Variants in C2orf81 observed in about 807,000 individuals in gnomAD.
The protein encoded by C2orf81 is uncharacterized protein C2orf81.
Under a neutral mutation model 7.9 loss-of-function variants are expected in C2orf81, and 5 were observed. The ratio of observed to expected loss-of-function variants is 0.63; its 90% confidence interval spans 0.33 to 1.33. The LOEUF (loss-of-function observed/expected upper bound fraction) is 1.33, where lower values mean the gene tolerates loss of function less well. C2orf81 is among the 40% of genes most tolerant of loss of function. The pLI, the probability that C2orf81 is intolerant of heterozygous loss-of-function variation, is 0.05. For missense variants in C2orf81, 781 were observed against 830.4 expected, an observed-to-expected ratio of 0.94 and a Z score of 0.73; for synonymous variants, 346 against 367.4, an observed-to-expected ratio of 0.94 and a Z score of 0.66.
In C2orf81 at chr2:74,415,310, C is replaced by A. The variant is rs1457609287; in HGVS notation, c.867G>T (p.Gly289=). The change falls in exon 3 of 3, where the codon GGG becomes GGT. Residue 289 remains glycine (G), a synonymous_variant. Coordinates refer to ENST00000684111, the MANE Select transcript of C2orf81 (RefSeq NM_001316764.3). This position sits in a 1 kb window ranked among gnomAD's most constrained non-coding sequence, Gnocchi z 5.5. ...YLVASPQAST[G]RGHPLGFHLS... Reference sequence around the variant, plus strand: ...AATGGAAGCCGAGGGGGTGTCCCCTCCCAGTTGAGGCCTGGGGGCTGGCTA... The same window carrying A: ...AATGGAAGCCGAGGGGGTGTCCCCTACCAGTTGAGGCCTGGGGGCTGGCTA... The A allele has an allele frequency of 6.5e-7, 1 of 1,549,694 alleles. No individual in the cohort carries two copies. The highest frequency in any genetic ancestry group is 2.0e-5 in the Admixed American group (1 of 50,832).
intron 1 of C2orf81, chr2:74,417,398 T>C: frequency 7.6e-7 from 1 of 1,309,164 alleles, no homozygotes; most frequent in Non-Finnish European, 1.0e-6. Context: ...AATAGGTGAC[T>C]GCATCTCCAT....
chr2:74,414,373 C>A lies in C2orf81; in HGVS notation c.1804G>T (p.Val602Phe). 2 of 1,517,476 alleles carry A rather than the reference C, an allele frequency of 1.3e-6. No individual in the cohort carries two copies. The highest frequency in any genetic ancestry group is 1.3e-5 in the South Asian group (1 of 79,194). The allele number at this position is 1,517,476 out of a possible 1,614,324, so 94.0% of individuals were successfully genotyped here. The part of the protein sequence containing the change: ...EDKEGSTFPP[V>F]EQHPIQTGAP... ...CCTGTCTGGATGGGATGTTGCTCAA[C>A]GGGAGGAAAGGTGCTACCTTCTTTG... The change falls in exon 3 of 3, where the codon GTT (valine) becomes TTT (phenylalanine). Residue 602 changes from valine (V) to phenylalanine (F), a missense_variant. Physicochemically the swap from Val to Phe is conservative, Grantham distance 50 (BLOSUM62 -1). Transcript: ENST00000684111. This position sits in a 1 kb window ranked among gnomAD's most constrained non-coding sequence, Gnocchi z 5.3.
intron 1 of C2orf81, chr2:74,417,729 T>C: frequency 1.8e-6 from 1 of 558,406 alleles, no homozygotes. Context: ...CAGGCCCCTC[T>C]ATGGGAAGCC....
intron 1 of C2orf81, chr2:74,418,220 T>G: frequency 6.4e-7 from 1 of 1,564,764 alleles, no homozygotes; most frequent in Non-Finnish European, 8.7e-7. Flanking sequence ...GTTGTGGTGG[T>G]TTTCCCGGTC....
rs566761495 is a variant in C2orf81, at chr2:74,417,626, C to T, written c.19-1385G>A. The T allele has an allele frequency of 3.2e-6, 3 of 940,710 alleles. No individual in the cohort carries two copies. In the Admixed American group the frequency reaches 9.8e-5, roughly 31 times the overall value. 58.3% of individuals were successfully genotyped at this position (940,710 alleles called of 1,614,324 possible). ...GGGGAATCCTGGGGGCCAGCACCCC[C>T]CTCCATTGGCCACACCTGCTGCTGC... is the stretch of plus-strand genomic sequence containing the variant. On this transcript the variant is annotated intron_variant, in intron 1 of 2. Coordinates refer to ENST00000684111, the MANE Select transcript of C2orf81 (RefSeq NM_001316764.3).
rs1558528415 is a variant in C2orf81 at position 74,416,100 on chromosome 2, C to G, written c.160G>C (p.Glu54Gln). The change falls in exon 2 of 3, where the codon GAG becomes CAG. Residue 54 changes from glutamate (E) to glutamine (Q), a missense_variant. By Grantham distance (29) the Glu-to-Gln change is conservative (BLOSUM62 2). Coordinates refer to ENST00000684111, the MANE Select transcript of C2orf81 (RefSeq NM_001316764.3). ...TCCCCTACGACGTCCTCGCCCTCCT[C>G]GAGGGCTGTAAGCGCCATCCACTCG... ...EAEWMALTAL[E>Q]EGEDVVGDIL... 6.5e-7 allele frequency: 1 copy of G among 1,542,242 alleles called. No homozygotes were observed. The highest frequency in any genetic ancestry group is 8.8e-7 in the Non-Finnish European group (1 of 1,141,784).
intron 1 of C2orf81, chr2:74,417,659 G>A: frequency 1.4e-6 from 1 of 727,776 alleles, no homozygotes. Flanking sequence ...TGCCAGGACA[G>A]TGGAGTGGGG....
rs1003403291 is a variant in C2orf81, at chr2:74,414,842, G to C, written c.1335C>G (p.Asp445Glu). 34 of 1,551,256 alleles carry C rather than the reference G, an allele frequency of 2.2e-5. No homozygotes were observed. The highest frequency in any genetic ancestry group is 2.7e-5 in the African/African-American group (2 of 73,050). Residue 445 changes from aspartate (D) to glutamate (E), a missense_variant, in exon 3 of 3, where the codon GAC (aspartate) becomes GAG (glutamate). By Grantham distance (45) the Asp-to-Glu change is conservative. Coordinates refer to ENST00000684111, the MANE Select transcript of C2orf81 (RefSeq NM_001316764.3). The surrounding 1 kb of genome is among the most constrained non-coding windows in gnomAD (Gnocchi z 5.3). ...ACAGGAGTGCGGGGCCCGAGTCCAA[G>C]TCACGGAAAGGAATGCCTGGCCGGA... ...FPLRPGIPFR[D>E]LDSGPALLFP...
chr2:74,415,608 C>T lies in C2orf81; in HGVS notation c.569G>A (p.Gly190Asp), dbSNP rs1490553806. 9 of 1,550,900 alleles carry T rather than the reference C, an allele frequency of 5.8e-6. No individual in the cohort carries two copies. The highest frequency in any genetic ancestry group is 1.4e-5 in the African/African-American group (1 of 73,048). ...CPSAFPQDPG[G>D]VDRIPLGRSW... ...CCTTCCTAAAGGGATCCGGTCCACG[C>T]CCCCAGGGTCCTGGGGAAATGCACT... Residue 190 changes from glycine (G) to aspartate (D), a missense_variant, in exon 3 of 3, where the codon GGC becomes GAC. By Grantham distance (94) the Gly-to-Asp change is moderately conservative (BLOSUM62 -1). Coordinates refer to ENST00000684111, the MANE Select transcript of C2orf81 (RefSeq NM_001316764.3). This position sits in a 1 kb window ranked among gnomAD's most constrained non-coding sequence, Gnocchi z 5.5.
chr2:74,414,353 C>A lies in C2orf81; in HGVS notation c.1824G>T (p.Gln608His), dbSNP rs1347144672. ...GTCACCTGGGCTTTGGGGCACCTGT[C>A]TGGATGGGATGTTGCTCAACGGGAG... Reference protein sequence around the residue: ...TFPPVEQHPIQTGAPKPR With the variant: ...TFPPVEQHPIHTGAPKPR The change falls in exon 3 of 3, where the codon CAG (glutamine) becomes CAT (histidine). Residue 608 changes from glutamine (Q) to histidine (H), a missense_variant. By Grantham distance (24) the Gln-to-His change is conservative (BLOSUM62 0). Coordinates refer to ENST00000684111, the MANE Select transcript of C2orf81 (RefSeq NM_001316764.3). This position sits in a 1 kb window ranked among gnomAD's most constrained non-coding sequence, Gnocchi z 5.3. The A allele has an allele frequency of 1.3e-6, 2 of 1,497,458 alleles. No individual in the cohort carries two copies. The highest frequency in any genetic ancestry group is 1.8e-6 in the Non-Finnish European group (2 of 1,116,462). 92.8% of individuals were successfully genotyped at this position (1,497,458 alleles called of 1,614,324 possible).
At chr2:74,416,565 C>CAAAAAAAAAAAAAAA (rs59349435) in intron 1 of C2orf81, 13 of 52,184 alleles carry the variant, frequency 2.5e-4, no homozygotes, top group African/African-American at 4.2e-4. Context: ...GACTGCGTCT[C>CAAAAAAAAAAAAAAA]AAAAAAAAAA....
chr2:74,415,389 G>A lies in C2orf81; in HGVS notation c.788C>T (p.Ser263Leu), dbSNP rs1299882183. 2 of 1,521,626 alleles carry A rather than the reference G, an allele frequency of 1.3e-6. No individual in the cohort carries two copies. The highest frequency in any genetic ancestry group is 1.8e-6 in the Non-Finnish European group (2 of 1,128,688). The allele number at this position is 1,521,626 out of a possible 1,614,324, so 94.3% of individuals were successfully genotyped here. The change falls in exon 3 of 3, where the codon TCG becomes TTG. Residue 263 changes from serine to leucine, a missense_variant. Physicochemically the swap from Ser to Leu is moderately radical, Grantham distance 145. Coordinates refer to ENST00000684111, the MANE Select transcript of C2orf81 (RefSeq NM_001316764.3). The surrounding 1 kb of genome is among the most constrained non-coding windows in gnomAD (Gnocchi z 5.5). ...AGSLSASFQL[S>L]VEEAPADDAD... ...ATCGTCGGCAGGCGCCTCCTCCACC[G>A]ACAGTTGGAAGCTCGCGCTCAAGGA...
At chr2:74,418,386 G>T (rs576196787) in intron 1 of C2orf81, 43 of 1,591,744 alleles carry the variant, frequency 2.7e-5, no homozygotes, top group Middle Eastern at 3.7e-4. Context: ...TCTCAGTGCC[G>T]TCCTTTTTCT....
Position 74,414,337 on chromosome 2 carries a change from G to A in C2orf81, c.1840C>T (p.Pro614Ser). 6.7e-7 allele frequency: 1 copy of A among 1,483,792 alleles called. No homozygotes were observed. The highest frequency in any genetic ancestry group is 9.0e-7 in the Non-Finnish European group (1 of 1,109,900). The allele number at this position is 1,483,792 out of a possible 1,614,324, so 91.9% of individuals were successfully genotyped here. A position where few individuals can be genotyped will look rare whatever the true frequency, so the allele number is the denominator to read the frequency against. The change falls in exon 3 of 3, where the codon CCC becomes TCC. Residue 614 changes from proline to serine, a missense_variant. Physicochemically the swap from Pro to Ser is moderately conservative, Grantham distance 74. Transcript: ENST00000684111. The surrounding 1 kb of genome is among the most constrained non-coding windows in gnomAD (Gnocchi z 5.3). ...QHPIQTGAPKPR is the reference protein window; with the variant it reads ...QHPIQTGAPKSR ...CATTAGCTGTGCTACGGTCACCTGG[G>A]CTTTGGGGCACCTGTCTGGATGGGA...
intron 1 of C2orf81, chr2:74,418,416 G>C: frequency 1.3e-6 from 2 of 1,577,710 alleles, no homozygotes; most frequent in Non-Finnish European, 1.7e-6. Flanking sequence ...CCAAGGGCTG[G>C]CTGGACTTCG....
At chr2:74,417,356 G>A (rs1676494575) in intron 1 of C2orf81, 4 of 1,307,144 alleles carry the variant, frequency 3.1e-6, no homozygotes, top group African/African-American at 1.5e-5. Context: ...ACCTCAGGTA[G>A]CTGCCACAGG....
At position 74,415,099 on chromosome 2, in the gene C2orf81, G is replaced by A; in HGVS notation, c.1078C>T (p.Leu360=). 1 of 1,546,980 alleles carries A rather than the reference G, an allele frequency of 6.5e-7. No individual in the cohort carries two copies. Among genetic ancestry groups the A allele is most frequent in the Non-Finnish European group, 8.7e-7 (1 of 1,144,920 alleles). The change falls in exon 3 of 3, where the codon CTG becomes TTG. Residue 360 remains leucine (L), a synonymous_variant. Transcript: ENST00000684111. This position sits in a 1 kb window ranked among gnomAD's most constrained non-coding sequence, Gnocchi z 5.5. ...CGCATCCTGTGGTGGTGGGCGCTCA[G>A]CCGCACATCCGAGTGCCCGGCCCGC... The part of the protein sequence containing the change: ...QQRAGHSDVR[L]SAHHHRMRRK...
rs1430418632 is a variant in C2orf81, at chr2:74,415,425, G to A, written c.752C>T (p.Ser251Phe). 1 of 1,532,936 alleles carries A rather than the reference G, an allele frequency of 6.5e-7. No homozygotes were observed. The highest frequency in any genetic ancestry group is 1.2e-5 in the South Asian group (1 of 82,848). The allele number at this position is 1,532,936 out of a possible 1,614,324, so 95.0% of individuals were successfully genotyped here. A position where few individuals can be genotyped will look rare whatever the true frequency, so the allele number is the denominator to read the frequency against. ...GCTCGCGCTCAAGGACCCGGCCGAG[G>A]AGAGGCCTCTAGACTGGCCGTCCGC... ...EEADGQSRGL[S>F]SAGSLSASFQ... The change falls in exon 3 of 3, where the codon TCC (serine) becomes TTC (phenylalanine). Residue 251 changes from serine (S) to phenylalanine (F), a missense_variant. Physicochemically the swap from Ser to Phe is radical, Grantham distance 155 (BLOSUM62 -2). Coordinates refer to ENST00000684111, the MANE Select transcript of C2orf81 (RefSeq NM_001316764.3). The surrounding 1 kb of genome is among the most constrained non-coding windows in gnomAD (Gnocchi z 5.5).
intron 1 of C2orf81, chr2:74,416,655 C>A (rs1676479170): frequency 6.2e-6 from 1 of 161,322 alleles, no homozygotes; most frequent in African/African-American, 2.4e-5. Flanking sequence ...TGCTTAGGAG[C>A]ACACAGTGAG....
Sources: allele counts gnomAD v4.1 joint callset, GRCh38; gene constraint gnomAD v4.1.1; non-coding constraint Gnocchi (gnomAD v3.1); transcripts MANE v1.5; gene names NCBI Gene and HGNC (gene_info 2026-07-23, HGNC 2026-07-21).